Variants in ZNF682 observed in about 807,000 individuals in gnomAD.
The protein encoded by ZNF682 is zinc finger protein 682.
A neutral mutation model predicts 36.5 loss-of-function variants in ZNF682; 29 were observed. The ratio of observed to expected loss-of-function variants is 0.80; its 90% CI spans 0.59 to 1.08. The LOEUF (loss-of-function observed/expected upper bound fraction) is 1.08. ZNF682 is among the 50% of genes least tolerant of loss of function. The pLI is 0.00. For synonymous variants in ZNF682, 180 were observed against 197.0 expected (o/e 0.91, Z 0.72); for missense variants, 561 against 579.7 (o/e 0.97, Z 0.33).
intron 1 of ZNF682, 87 bp from the exon 2 acceptor site, chr19:20,024,463 TGA>T: frequency 4.3e-6 from 6 of 1,407,782 alleles, no homozygotes; most frequent in African/African-American, 1.4e-5. Flanking sequence ...CTGTGACTTA[TGA>T]GAGTTACTGG....
chr19:20,007,487 T>G (rs991017611), intron 3 of ZNF682: 11 of 485,372 alleles, frequency 2.3e-5, no homozygotes, highest in Non-Finnish European at 3.2e-5. Context: ...TCAGAGGTAA[T>G]GCAGAAACTG....
At chr19:20,028,454 C>T (rs879655817) in intron 1 of ZNF682, among the ~76,000 whole-genome samples, 6 of 152,016 alleles carry the variant, frequency 3.9e-5, no homozygotes, top group African/African-American at 9.7e-5. Context: ...TCAGGTGATC[C>T]GCCCTTCTCA....
chr19:20,008,391 T>G (rs926048154), intron 3 of ZNF682, among the ~76,000 whole-genome samples: 1 of 152,172 alleles, frequency 6.6e-6, no homozygotes, highest in Non-Finnish European at 1.5e-5. Flanking sequence ...GGGAAGACAC[T>G]GGAGACAGAC....
At position 20,026,258 on chromosome 19, in the gene ZNF682, G is replaced by A. The variant is rs565465855; in HGVS notation, c.4-1882C>T. Among the ~76,000 whole-genome samples the A allele has an allele frequency of 2.6e-4, 39 of 151,708 alleles. 1 individual carries two copies. Among genetic ancestry groups the A allele is most frequent in the Non-Finnish European group, 4.6e-4 (31 of 67,886 alleles). On this transcript the variant is annotated intron_variant, in intron 1 of 3. Coordinates refer to ENST00000397165, the MANE Select transcript of ZNF682 (RefSeq NM_033196.3). ...GTGGAGCTTGCAGTGAGCCGAGATC[G>A]CGCCACTGCACTCCAGCCTGGGCGA...
intron 3 of ZNF682, among the ~76,000 whole-genome samples, chr19:20,009,029 A>C (rs1398058542): frequency 6.6e-6 from 1 of 152,152 alleles, no homozygotes; most frequent in East Asian, 1.9e-4. Flanking sequence ...AGAAATAAAA[A>C]AATTTTAACA....
intron 1 of ZNF682, 35 bp downstream of exon 1, chr19:20,039,307 GC>G: frequency 6.2e-7 from 1 of 1,610,972 alleles, no homozygotes. Flanking sequence ...AACCAGCCCT[GC>G]CCCCACCTCG....
intron 3 of ZNF682, 47 bp from the exon 4 acceptor site, chr19:20,007,322 C>G (rs1420613273): frequency 1.4e-6 from 2 of 1,480,754 alleles, no homozygotes; most frequent in Middle Eastern, 1.8e-4. Context: ...TTTTCAGACT[C>G]AGATACATAT....
In ZNF682 at chr19:20,022,992, C is replaced by G; in HGVS notation, c.226+12G>C. 1 of 1,611,426 alleles carries G rather than the reference C, an allele frequency of 6.2e-7. No individual in the cohort carries two copies. Reference sequence around the variant, plus strand: ...TTTCACCTGTGGCATGTGTTTCATTCATCCAACCTACCTGGGGGTTTGGCT... The same window carrying G: ...TTTCACCTGTGGCATGTGTTTCATTGATCCAACCTACCTGGGGGTTTGGCT... On this transcript the variant is annotated intron_variant, in intron 3 of 3. Transcript: ENST00000397165.
intron 3 of ZNF682, among the ~76,000 whole-genome samples, chr19:20,010,572 T>G (rs1037899658): frequency 2.0e-5 from 3 of 152,044 alleles, no homozygotes; most frequent in African/African-American, 7.3e-5. Context: ...GGCAGGAGAA[T>G]CACTTGAACC....
chr19:20,011,599 A>G (rs2088288977), intron 3 of ZNF682, among the ~76,000 whole-genome samples: 1 of 152,250 alleles, frequency 6.6e-6, no homozygotes, highest in African/African-American at 2.4e-5. Context: ...CATCTTCTTG[A>G]AACAGAGTGA....
intron 1 of ZNF682, among the ~76,000 whole-genome samples, chr19:20,027,402 T>C (rs1419241662): frequency 6.6e-6 from 1 of 152,138 alleles, no homozygotes. Flanking sequence ...AAAGGGCCCA[T>C]AGGGCCCCAC....
At chr19:20,000,371 C>A (rs532769837), downstream of ZNF682, among the ~76,000 whole-genome samples, 1 of 152,212 alleles carries the variant, frequency 6.6e-6, no homozygotes, top group South Asian at 2.1e-4. Context: ...AAGTAAAAGC[C>A]TTCTCCGATA....
intron 3 of ZNF682, among the ~76,000 whole-genome samples, chr19:19,999,146 G>C (rs1392265856): frequency 6.6e-6 from 1 of 152,140 alleles, no homozygotes; most frequent in Non-Finnish European, 1.5e-5. Context: ...GCTCAGCCAT[G>C]CTGACACCCT....
rs185508892 is a variant in ZNF682 at position 20,033,878 on chromosome 19, C to T, written c.3+5465G>A. On this transcript the variant is annotated intron_variant, in intron 1 of 3. Coordinates refer to ENST00000397165, the MANE Select transcript of ZNF682 (RefSeq NM_033196.3). ...CTCCAGCCTCAGTTTCTACTGACAACGATGACATGGAAAAAGTACTACTGG... is the reference window on the plus strand; with the variant it reads ...CTCCAGCCTCAGTTTCTACTGACAATGATGACATGGAAAAAGTACTACTGG... The T allele has an allele frequency of 3.7e-3, 574 of 153,304 alleles. 3 individuals are homozygous for T. The highest frequency in any genetic ancestry group is 0.013 in the African/African-American group (526 of 41,568). The allele number at this position is 153,304 out of a possible 1,614,324, so 9.5% of individuals were successfully genotyped here.
At chr19:20,010,837 C>T (rs956074505) in intron 3 of ZNF682, among the ~76,000 whole-genome samples, 3 of 149,692 alleles carry the variant, frequency 2.0e-5, no homozygotes, top group South Asian at 2.1e-4. Context: ...TGGTGGTGTG[C>T]ACGTGTAGTC....
chr19:20,024,931 C>A (rs572571165), intron 1 of ZNF682, among the ~76,000 whole-genome samples: 3 of 152,198 alleles, frequency 2.0e-5, no homozygotes, highest in Non-Finnish European at 4.4e-5. Context: ...TTTATGTCTA[C>A]AGATTATAGA....
intron 3 of ZNF682, among the ~76,000 whole-genome samples, chr19:20,021,431 C>T (rs972513044): frequency 6.6e-6 from 1 of 152,046 alleles, no homozygotes; most frequent in Non-Finnish European, 1.5e-5. Context: ...TTGCAGTGAG[C>T]CAAGATTGCG....
chr19:20,026,337 T>G (rs944764381), intron 1 of ZNF682, among the ~76,000 whole-genome samples: 2 of 151,968 alleles, frequency 1.3e-5, no homozygotes, highest in Non-Finnish European at 2.9e-5. Context: ...ATAGAGCTGA[T>G]GGAACATCCA....
chr19:20,015,068 G>T, intron 3 of ZNF682: 1 of 417,216 alleles, frequency 2.4e-6, no homozygotes, highest in Non-Finnish European at 3.2e-6. Context: ...CAACAGAACT[G>T]TGTAACTGAA....
Sources: gnomAD v4.1 joint callset for allele counts (sites outside exome capture counted in the v4.1 genomes callset) on GRCh38, gnomAD v4.1.1 for gene constraint, MANE v1.5 for transcripts, NCBI Gene and HGNC (gene_info 2026-07-23, HGNC 2026-07-21) for gene names.